The following SERGEF variants were observed in gnomAD, a reference collection of about 807,000 sequenced individuals.
SERGEF encodes the protein secretion regulating guanine nucleotide exchange factor.
SERGEF carries 51 observed loss-of-function variants against 50.0 expected under a neutral mutation model. That is an observed-to-expected ratio of 1.02 (90% CI 0.81 to 1.29). The LOEUF (loss-of-function observed/expected upper bound fraction) is 1.29, where lower values mean the gene tolerates loss of function less well. Among genes scored for constraint, SERGEF ranks in the 50% most tolerant of loss-of-function variants. The probability of loss-of-function intolerance (pLI) is 0.00; values close to 1 mark genes in which losing one functional copy is unlikely to be tolerated. For missense variants in SERGEF, 521 were observed against 557.0 expected, an observed-to-expected ratio of 0.94 and a Z score of 0.65; for synonymous variants, 205 against 212.4, an observed-to-expected ratio of 0.97 and a Z score of 0.30.
chr11:17,800,717 C>A (rs971464798), intron 10 of SERGEF, among the ~76,000 whole-genome samples: 5 of 152,278 alleles, frequency 3.3e-5, no homozygotes, highest in Admixed American at 6.5e-5. Context: ...AATAATGTGG[C>A]CCCTGAGTTG....
At position 17,936,607 on chromosome 11, in the gene SERGEF, G is replaced by A. The variant is rs1034019394; in HGVS notation, c.1011+22863C>T. 7.2e-5 allele frequency among the ~76,000 whole-genome samples: 11 copies of A among 151,984 alleles called. No homozygotes were observed. In the East Asian group the frequency reaches 1.2e-3, roughly 16 times the overall value. The stretch of plus-strand genomic sequence containing the variant: ...CCCTTCAGTCAATCCAAGGTAATAC[G>A]AAGCTTCCTGCTCTCTAGGGCGTAC... On this transcript the variant is annotated intron_variant, in intron 9 of 10. Coordinates refer to ENST00000265965, the MANE Select transcript of SERGEF (RefSeq NM_012139.4).
intron 10 of SERGEF, among the ~76,000 whole-genome samples, chr11:17,800,543 T>C (rs1197120653): frequency 5.3e-5 from 8 of 152,146 alleles, no homozygotes; most frequent in African/African-American, 1.9e-4. Flanking sequence ...GCAGAGAATA[T>C]AGCACCAAAC....
rs928812766 is a variant in SERGEF at position 17,832,456 on chromosome 11, T to C, written c.1049-44043A>G. On this transcript the variant is annotated intron_variant, in intron 10 of 10. Transcript: ENST00000265965. ...TTGGTAAACTGCTCAGTTTCAGGTA[T>C]GTGTTTATTAGCAGTGTGAAAATGG... Among the ~76,000 whole-genome samples, 26 of 152,206 alleles carry C rather than the reference T, an allele frequency of 1.7e-4. 1 individual carries two copies. The highest frequency in any genetic ancestry group is 4.4e-5 in the Non-Finnish European group (3 of 68,026).
chr11:17,854,233 C>A (rs1850772357), intron 10 of SERGEF, among the ~76,000 whole-genome samples: 1 of 152,170 alleles, frequency 6.6e-6, no homozygotes, highest in African/African-American at 2.4e-5. Flanking sequence ...CTTCATTAAG[C>A]TTTCTCTACA....
At chr11:17,910,934 G>T (rs915943281) in intron 9 of SERGEF, among the ~76,000 whole-genome samples, 1 of 152,178 alleles carries the variant, frequency 6.6e-6, no homozygotes, top group Non-Finnish European at 1.5e-5. Flanking sequence ...CACAGATCAA[G>T]TAGAACCTAA....
Position 17,788,350 on chromosome 11 carries a change from T to C in SERGEF, c.1112A>G (p.Asn371Ser). The part of the protein sequence containing the change: ...HGMCGDGTEA[N>S]VWAPKPVQAL... ...CTGCACCGGCTTTGGGGCCCAGACG[T>C]TGGCTTCAGTGCCATCTCCGCACAT... The change falls in exon 11 of 11, where the codon AAC becomes AGC. Residue 371 changes from asparagine to serine, a missense_variant. Physicochemically the swap from Asn to Ser is conservative, Grantham distance 46. Transcript: ENST00000265965. 1 of 1,614,126 alleles carries C rather than the reference T, an allele frequency of 6.2e-7. No homozygotes were observed. The highest frequency in any genetic ancestry group is 8.5e-7 in the Non-Finnish European group (1 of 1,179,972).
chr11:17,846,083 C>T (rs773209138), intron 10 of SERGEF, among the ~76,000 whole-genome samples: 5 of 152,166 alleles, frequency 3.3e-5, no homozygotes, highest in Non-Finnish European at 5.9e-5. Flanking sequence ...CTGCTTCTGG[C>T]CCCTAAAGGG....
At chr11:17,850,732 T>G (rs909111104) in intron 10 of SERGEF, among the ~76,000 whole-genome samples, 2 of 152,196 alleles carry the variant, frequency 1.3e-5, no homozygotes, top group African/African-American at 4.8e-5. Context: ...CCCTGGGATA[T>G]TTTCCCACTC....
At chr11:18,003,717 A>G (rs1341304667) in intron 4 of SERGEF, among the ~76,000 whole-genome samples, 1 of 152,194 alleles carries the variant, frequency 6.6e-6, no homozygotes, top group East Asian at 1.9e-4. Flanking sequence ...ATAAAAATAA[A>G]AACAAAAAAT....
At chr11:17,918,667 C>CTA (rs1852096546) in intron 9 of SERGEF, 2 of 352,344 alleles carry the variant, frequency 5.7e-6, no homozygotes, top group Admixed American at 6.6e-5. Flanking sequence ...CACACACTCT[C>CTA]TCTCTCTCTC....
intron 9 of SERGEF, among the ~76,000 whole-genome samples, chr11:17,927,435 A>G (rs1047809094): frequency 6.6e-6 from 1 of 152,208 alleles, no homozygotes; most frequent in Non-Finnish European, 1.5e-5. Context: ...GTAAACATGA[A>G]AATGCAAGTA....
chr11:17,858,757 T>G (rs1002106891), intron 10 of SERGEF, among the ~76,000 whole-genome samples: 5 of 152,022 alleles, frequency 3.3e-5, no homozygotes, highest in African/African-American at 1.2e-4. Flanking sequence ...AATGTTTATA[T>G]TCCAGGACTA....
At chr11:17,985,300 C>G (rs1294029815) in intron 8 of SERGEF, among the ~76,000 whole-genome samples, 1 of 152,218 alleles carries the variant, frequency 6.6e-6, no homozygotes, top group Admixed American at 6.5e-5. Flanking sequence ...ATTTGAACAT[C>G]ATAGCAGCCC....
At chr11:17,977,721 C>T (rs1424700425) in intron 8 of SERGEF, among the ~76,000 whole-genome samples, 1 of 152,074 alleles carries the variant, frequency 6.6e-6, no homozygotes, top group Non-Finnish European at 1.5e-5. Flanking sequence ...AGGTAGGGCC[C>T]TCATGAATGG....
chr11:17,988,517 A>G, intron 8 of SERGEF, 80 bp downstream of exon 8: 1 of 1,411,564 alleles, frequency 7.1e-7, no homozygotes, highest in Non-Finnish European at 9.8e-7. Context: ...AAAAAGGCTT[A>G]ACCCCAAGCA....
At chr11:17,971,280 A>G (rs1327617044) in intron 8 of SERGEF, among the ~76,000 whole-genome samples, 1 of 152,214 alleles carries the variant, frequency 6.6e-6, no homozygotes, top group African/African-American at 2.4e-5. Context: ...AGCTGTAGCA[A>G]GTTATCCAGA....
intron 10 of SERGEF, among the ~76,000 whole-genome samples, chr11:17,802,836 T>C (rs1459351385): frequency 6.6e-6 from 1 of 152,214 alleles, no homozygotes; most frequent in Non-Finnish European, 1.5e-5. Flanking sequence ...TTCATTCTCT[T>C]TATACTGCTT....
chr11:17,926,850 G>A (rs1852261529), intron 9 of SERGEF: 1 of 455,992 alleles, frequency 2.2e-6, no homozygotes, highest in African/African-American at 2.0e-5. Context: ...TCAGTATCTG[G>A]CATGTAATGG....
At chr11:17,814,446 A>G (rs1327281698) in intron 10 of SERGEF, among the ~76,000 whole-genome samples, 1 of 152,114 alleles carries the variant, frequency 6.6e-6, no homozygotes, top group Non-Finnish European at 1.5e-5. Flanking sequence ...GTGTGAGCCA[A>G]TTCCTTCAAA....
Sources: gnomAD v4.1 joint callset for allele counts (sites outside exome capture counted in the v4.1 genomes callset) on GRCh38, gnomAD v4.1.1 for gene constraint, MANE v1.5 for transcripts, NCBI Gene and HGNC (gene_info 2026-07-23, HGNC 2026-07-21) for gene names.